PRLR: variants seen among roughly 807,000 people sequenced by gnomAD.
PRLR encodes the protein prolactin receptor, also known as hPRL receptor.
A neutral mutation model predicts 40.2 loss-of-function variants in PRLR; 13 were observed. The ratio of observed to expected loss-of-function variants is 0.32; its 90% CI spans 0.21 to 0.51. PRLR has a LOEUF of 0.51. PRLR is among the 20% of genes least tolerant of loss of function. PRLR has a pLI of 0.97. For missense variants in PRLR, 656 were observed against 747.3 expected, an observed-to-expected ratio of 0.88 and a Z score of 1.42; for synonymous variants, 269 against 278.7, an observed-to-expected ratio of 0.97 and a Z score of 0.35.
intron 1 of PRLR, among the ~76,000 whole-genome samples, chr5:35,222,439 T>C (rs1284027118): frequency 6.6e-6 from 1 of 152,156 alleles, no homozygotes; most frequent in Non-Finnish European, 1.5e-5. Flanking sequence ...AGTGTGGGGC[T>C]AGGAGCAGTG....
At chr5:35,189,695 G>A (rs372656126) in intron 1 of PRLR, among the ~76,000 whole-genome samples, 73 of 152,184 alleles carry the variant, frequency 4.8e-4, no homozygotes, top group African/African-American at 7.9e-4. Flanking sequence ...TCAAGACGCC[G>A]GAGTTCTAGG....
At chr5:35,229,135 T>C (rs906292036) in intron 1 of PRLR, among the ~76,000 whole-genome samples, 44 of 147,886 alleles carry the variant, frequency 3.0e-4, no homozygotes, top group Non-Finnish European at 5.5e-4. Flanking sequence ...TTCTATAATA[T>C]ATATATATAA....
chr5:35,092,698 T>G (rs1201240709), intron 2 of PRLR, among the ~76,000 whole-genome samples: 3 of 152,118 alleles, frequency 2.0e-5, no homozygotes, highest in African/African-American at 7.2e-5. Flanking sequence ...AGCAAATGGC[T>G]CCAAATATTT....
chr5:35,063,483 T>C lies in PRLR; in HGVS notation c.*1606A>G, dbSNP rs968864123. ...CCCTTTAAAATGAGGATCCAAGCTTTGACTTCTTTCAGGAAGCCTGGCACT... is the reference window on the plus strand; with the variant it reads ...CCCTTTAAAATGAGGATCCAAGCTTCGACTTCTTTCAGGAAGCCTGGCACT... On this transcript the variant is annotated 3_prime_UTR_variant, in exon 10 of 10. Transcript: ENST00000618457. 6.6e-6 allele frequency: 1 copy of C among 152,156 alleles called. No individual in the cohort carries two copies. The highest frequency in any genetic ancestry group is 1.5e-5 in the Non-Finnish European group (1 of 68,034). The allele number at this position is 152,156 out of a possible 1,614,324, so 9.4% of individuals were successfully genotyped here. A position where few individuals can be genotyped will look rare whatever the true frequency, so the allele number is the denominator to read the frequency against.
At chr5:35,080,465 G>C (rs766197462) in intron 5 of PRLR, among the ~76,000 whole-genome samples, 12 of 152,196 alleles carry the variant, frequency 7.9e-5, no homozygotes, top group Admixed American at 2.6e-4. Flanking sequence ...GGCCATCAGA[G>C]AAATGCAAAA....
At position 35,084,615 on chromosome 5, in the gene PRLR, T is replaced by C. The variant is rs952176780; in HGVS notation, c.228A>G (p.Pro76=). 2 of 1,610,968 alleles carry C rather than the reference T, an allele frequency of 1.2e-6. No homozygotes were observed. The highest frequency in any genetic ancestry group is 1.7e-6 in the Non-Finnish European group (2 of 1,178,874). Residue 76 remains proline, a synonymous_variant, in exon 5 of 10, where the codon CCA becomes CCG. Transcript: ENST00000618457. ...REGETLMHEC[P]DYITGGPNSC... is the part of the protein sequence containing the mutation. ...AGTTGGGGCCACCGGTTATGTAGTC[T>C]GGACATTCATGCATGAGTGTCTCTC... is the stretch of plus-strand genomic sequence containing the variant.
At chr5:35,157,589 T>G (rs570542323) in intron 1 of PRLR, among the ~76,000 whole-genome samples, 1 of 152,286 alleles carries the variant, frequency 6.6e-6, no homozygotes, top group South Asian at 2.1e-4. Context: ...GACAGGGCCG[T>G]GGGTCCTCAT....
At chr5:35,196,826 C>T (rs1775749306) in intron 1 of PRLR, among the ~76,000 whole-genome samples, 1 of 152,336 alleles carries the variant, frequency 6.6e-6, no homozygotes, top group South Asian at 2.1e-4. Flanking sequence ...AACTTAATTT[C>T]TCACAGTTCT....
chr5:35,189,641 G>T (rs1456645876), intron 1 of PRLR, among the ~76,000 whole-genome samples: 1 of 151,884 alleles, frequency 6.6e-6, no homozygotes, highest in East Asian at 1.9e-4. Flanking sequence ...ACTATCAACA[G>T]ATGAGAGTTC....
intron 1 of PRLR, among the ~76,000 whole-genome samples, chr5:35,121,915 A>G (rs73767520): frequency 0.056 from 8,502 of 152,268 alleles, 813 homozygotes; most frequent in African/African-American, 0.19. Context: ...ACTATTTGCC[A>G]AATAGTATTT....
intron 1 of PRLR, among the ~76,000 whole-genome samples, chr5:35,135,886 C>CA (rs758862586): frequency 3.3e-5 from 5 of 152,156 alleles, no homozygotes; most frequent in Non-Finnish European, 5.9e-5. Flanking sequence ...GTGGGAAGGC[C>CA]AGGGGCCTAT....
At chr5:35,206,489 A>C (rs560213429) in intron 1 of PRLR, among the ~76,000 whole-genome samples, 3 of 152,260 alleles carry the variant, frequency 2.0e-5, no homozygotes, top group Non-Finnish European at 4.4e-5. Flanking sequence ...TAAAATATTT[A>C]CTGACAGTAA....
At chr5:35,127,647 C>A (rs781261439) in intron 1 of PRLR, among the ~76,000 whole-genome samples, 12 of 152,204 alleles carry the variant, frequency 7.9e-5, no homozygotes, top group Non-Finnish European at 1.8e-4. Flanking sequence ...TGGTATAACC[C>A]TACAGTGGAA....
intron 5 of PRLR, among the ~76,000 whole-genome samples, chr5:35,073,813 T>C (rs1006024252): frequency 4.6e-5 from 7 of 152,186 alleles, no homozygotes; most frequent in Admixed American, 3.3e-4. Flanking sequence ...ATTAGCCTTC[T>C]GGGGAATGCA....
At chr5:35,066,626 C>T (rs1769382640) in intron 9 of PRLR, among the ~76,000 whole-genome samples, 1 of 151,758 alleles carries the variant, frequency 6.6e-6, no homozygotes, top group Admixed American at 6.6e-5. Context: ...TTCTTCTACT[C>T]TACTTCCTCT....
At chr5:35,095,329 CAG>C (rs1224729218) in intron 2 of PRLR, among the ~76,000 whole-genome samples, 4 of 152,176 alleles carry the variant, frequency 2.6e-5, no homozygotes, top group Admixed American at 6.5e-5. Flanking sequence ...GTGAAGAAAA[CAG>C]AAAAAGATTC....
At chr5:35,085,061 G>A (rs538927158) in intron 4 of PRLR, among the ~76,000 whole-genome samples, 38 of 152,288 alleles carry the variant, frequency 2.5e-4, no homozygotes, top group Non-Finnish European at 5.0e-4. Flanking sequence ...TTTCACATAC[G>A]TGTTGAATTA....
At chr5:35,084,679 TAAAG>T in intron 4 of PRLR, 40 bp from the exon 5 acceptor site, 1 of 1,570,912 alleles carries the variant, frequency 6.4e-7, no homozygotes, top group East Asian at 2.3e-5. Context: ...AAGAAAGTAA[TAAAG>T]AGAGTCTAGT....
At chr5:35,088,061 C>T (rs371178825) in intron 3 of PRLR, among the ~76,000 whole-genome samples, 1 of 152,162 alleles carries the variant, frequency 6.6e-6, no homozygotes, top group African/African-American at 2.4e-5. Context: ...GAGGAGACCT[C>T]AGTGAGGAGA....
Sources: gnomAD v4.1 joint callset for allele counts (sites outside exome capture counted in the v4.1 genomes callset) on GRCh38, gnomAD v4.1.1 for gene constraint, MANE v1.5 for transcripts, NCBI Gene and HGNC (gene_info 2026-07-23, HGNC 2026-07-21) for gene names.